Variants in CRYBG3 observed in about 807,000 individuals in gnomAD.
The protein encoded by CRYBG3 is crystallin beta-gamma domain containing 3, also known as very large A-kinase anchor protein.
CRYBG3 carries 127 observed loss-of-function variants against 244.2 expected under a neutral mutation model. The ratio of observed to expected loss-of-function variants is 0.52; its 90% confidence interval spans 0.45 to 0.60. The LOEUF (loss-of-function observed/expected upper bound fraction) is 0.60. Among genes scored for constraint, CRYBG3 ranks in the 20% least tolerant of loss-of-function variants. The pLI, the probability that CRYBG3 is intolerant of heterozygous loss-of-function variation, is 0.00. For missense variants in CRYBG3, 3,325 were observed against 3,442.5 expected, an observed-to-expected ratio of 0.97 and a Z score of 0.85; for synonymous variants, 1,132 against 1,195.8, an observed-to-expected ratio of 0.95 and a Z score of 1.10.
intron 7 of CRYBG3, among the ~76,000 whole-genome samples, chr3:97,884,354 G>T (rs182459287): frequency 4.1e-4 from 62 of 151,790 alleles, no homozygotes; most frequent in Non-Finnish European, 7.8e-4. Flanking sequence ...TGTATTTAAG[G>T]TTTTTTTTAA....
At position 97,872,901 on chromosome 3, in the gene CRYBG3, G is replaced by C. The variant is rs913307301; in HGVS notation, c.1707G>C (p.Lys569Asn). The C allele has an allele frequency of 2.0e-6, 3 of 1,530,212 alleles. No individual in the cohort carries two copies. Among genetic ancestry groups the C allele is most frequent in the South Asian group, 1.2e-5 (1 of 82,360 alleles). The allele number at this position is 1,530,212 out of a possible 1,614,324, so 94.8% of individuals were successfully genotyped here. A position where few individuals can be genotyped will look rare whatever the true frequency, so the allele number is the denominator to read the frequency against. ...AATACTTTGAAACCAAAGCCAAAAA[G>C]CTTGATTTTAGGTCACATGATAAAA... is the stretch of plus-strand genomic sequence containing the variant. ...TDQYFETKAK[K>N]LDFRSHDKIP... Residue 569 changes from lysine to asparagine, a missense_variant, in exon 4 of 22, where the codon AAG (lysine) becomes AAC (asparagine). Physicochemically the swap from Lys to Asn is moderately conservative, Grantham distance 94. Coordinates refer to ENST00000389622, the MANE Select transcript of CRYBG3 (RefSeq NM_153605.4).
chr3:97,870,010 C>T (rs2039282586), intron 3 of CRYBG3, among the ~76,000 whole-genome samples: 1 of 152,022 alleles, frequency 6.6e-6, no homozygotes, highest in African/African-American at 2.4e-5. Flanking sequence ...TATTGGAATA[C>T]TGATAACTGA....
intron 15 of CRYBG3, 40 bp from the exon 16 acceptor site, chr3:97,912,127 A>G (rs760648828): frequency 2.7e-6 from 3 of 1,114,182 alleles, no homozygotes; most frequent in Non-Finnish European, 2.6e-6. Context: ...ATCTAAGACC[A>G]TTTTTTTTCT....
At chr3:97,893,553 C>T (rs1313416411) in intron 11 of CRYBG3, among the ~76,000 whole-genome samples, 1 of 152,214 alleles carries the variant, frequency 6.6e-6, no homozygotes, top group Non-Finnish European at 1.5e-5. Context: ...GGGCAGAAGC[C>T]CCCCAAATCT....
chr3:97,877,854 C>G lies in CRYBG3; in HGVS notation c.6660C>G (p.Leu2220=), dbSNP rs754798718. Residue 2220 remains leucine, a synonymous_variant, in exon 4 of 22, where the codon CTC becomes CTG. Coordinates refer to ENST00000389622, the MANE Select transcript of CRYBG3 (RefSeq NM_153605.4). ...VGLWPEKTSF[L]QKSDLTSKLH... ...TGTGGCCAGAAAAGACCTCGTTTCT[C>G]CAGAAATCTGACCTTACTTCTAAAC... is the stretch of plus-strand genomic sequence containing the variant. The G allele has an allele frequency of 1.9e-6, 3 of 1,613,958 alleles. No homozygotes were observed. The highest frequency in any genetic ancestry group is 2.5e-6 in the Non-Finnish European group (3 of 1,180,002).
chr3:97,878,239 T>C (rs919331094), intron 4 of CRYBG3, among the ~76,000 whole-genome samples: 4 of 152,034 alleles, frequency 2.6e-5, no homozygotes, highest in African/African-American at 9.7e-5. Context: ...TGAAACCTTG[T>C]CTCTACTAAA....
chr3:97,933,091 C>T, intron 17 of CRYBG3: 1 of 452,654 alleles, frequency 2.2e-6, no homozygotes, highest in South Asian at 1.6e-5. Context: ...AGTCTCTTAA[C>T]ATGGTGTCTT....
chr3:97,879,896 TA>T, intron 5 of CRYBG3, 88 bp from the exon 6 acceptor site: 1 of 928,760 alleles, frequency 1.1e-6, no homozygotes, highest in East Asian at 2.6e-5. Context: ...TTAGGATATT[TA>T]TTTCTATGTT....
intron 2 of CRYBG3, among the ~76,000 whole-genome samples, chr3:97,856,204 A>G (rs1037620437): frequency 1.3e-5 from 2 of 152,142 alleles, no homozygotes; most frequent in Non-Finnish European, 2.9e-5. Flanking sequence ...TTGCTTTTGA[A>G]AGAAGAGAAA....
intron 19 of CRYBG3, among the ~76,000 whole-genome samples, chr3:97,939,624 T>C (rs1346170192): frequency 6.6e-6 from 1 of 152,032 alleles, no homozygotes; most frequent in African/African-American, 2.4e-5. Flanking sequence ...CCTAAAGTAA[T>C]TGGAACTCTG....
chr3:97,861,279 T>G (rs985829251), intron 2 of CRYBG3, among the ~76,000 whole-genome samples: 1 of 152,164 alleles, frequency 6.6e-6, no homozygotes, highest in Non-Finnish European at 1.5e-5. Context: ...AGCTCAAATG[T>G]TATCTTCTAT....
intron 10 of CRYBG3, among the ~76,000 whole-genome samples, chr3:97,889,828 G>A (rs1412662795): frequency 6.6e-6 from 1 of 152,092 alleles, no homozygotes; most frequent in African/African-American, 2.4e-5. Context: ...GTAAGTATGA[G>A]TATCCAAAGG....
At chr3:97,924,519 G>A (rs919519269) in intron 17 of CRYBG3, 13 of 378,294 alleles carry the variant, frequency 3.4e-5, no homozygotes, top group Admixed American at 1.4e-4. Flanking sequence ...CAAGTCAGAA[G>A]TCTGAAATTG....
chr3:97,822,234 G>GC lies in CRYBG3; in HGVS notation c.33dup (p.Trp12LeufsTer41). On this transcript the variant is annotated frameshift_variant, in exon 1 of 22. Transcript: ENST00000389622. LOFTEE classifies it high-confidence loss of function. ...GTCCAGCGGCCGCAGAAGGGGCAGC[G>GC]CCCCCTGGCACAGCTTCTCCCGGTT... The GC allele has an allele frequency of 6.5e-7, 1 of 1,527,856 alleles. No individual in the cohort carries two copies. Among genetic ancestry groups the GC allele is most frequent in the Non-Finnish European group, 8.7e-7 (1 of 1,143,408 alleles). The allele number at this position is 1,527,856 out of a possible 1,614,324, so 94.6% of individuals were successfully genotyped here. A position where few individuals can be genotyped will look rare whatever the true frequency, so the allele number is the denominator to read the frequency against.
chr3:97,861,319 G>A (rs780299523), intron 2 of CRYBG3, among the ~76,000 whole-genome samples: 4 of 152,028 alleles, frequency 2.6e-5, no homozygotes, highest in South Asian at 2.1e-4. Flanking sequence ...ATCCCCACTC[G>A]TTAATTATGT....
Position 97,926,241 on chromosome 3 carries a change from C to T in CRYBG3, c.8242-7453C>T, listed in dbSNP as rs572363321. On this transcript the variant is annotated intron_variant, in intron 17 of 21. Coordinates refer to ENST00000389622, the MANE Select transcript of CRYBG3 (RefSeq NM_153605.4). ...CCACCACAATCAAGTAGGCTTTATTCCTGGGATGTAAAGTTGGTTCAATAT... is the reference window on the plus strand; with the variant it reads ...CCACCACAATCAAGTAGGCTTTATTTCTGGGATGTAAAGTTGGTTCAATAT... Among the ~76,000 whole-genome samples, 347 of 152,132 alleles carry T rather than the reference C, an allele frequency of 2.3e-3. 1 individual carries two copies. The highest frequency in any genetic ancestry group is 7.1e-3 in the South Asian group (34 of 4,822).
chr3:97,879,629 AC>A, intron 4 of CRYBG3, 74 bp from the exon 5 acceptor site: 1 of 1,021,688 alleles, frequency 9.8e-7, no homozygotes, highest in Non-Finnish European at 1.5e-6. Flanking sequence ...TGGATACAAG[AC>A]TGCTAAGAAA....
At chr3:97,898,076 C>T (rs1392503392) in intron 12 of CRYBG3, among the ~76,000 whole-genome samples, 7 of 151,594 alleles carry the variant, frequency 4.6e-5, no homozygotes, top group East Asian at 1.9e-4. Context: ...AAAAATTAGC[C>T]GGGCATGGTG....
In CRYBG3 at chr3:97,944,896, C is replaced by T. The variant is rs958831623; in HGVS notation, c.*1582C>T. 4.6e-6 allele frequency: 1 copy of T among 215,206 alleles called. No individual in the cohort carries two copies. The highest frequency in any genetic ancestry group is 9.1e-6 in the Non-Finnish European group (1 of 110,076). 13.3% of individuals were successfully genotyped at this position (215,206 alleles called of 1,614,324 possible). A position where few individuals can be genotyped will look rare whatever the true frequency, so the allele number is the denominator to read the frequency against. On this transcript the variant is annotated 3_prime_UTR_variant, in exon 22 of 22. Transcript: ENST00000389622. ...AGAACAAAGCCAGGTTAATGACATT[C>T]AATTCTAAATGATACATTGGAATTG...
Sources: allele counts gnomAD v4.1 joint callset (sites outside exome capture counted in the v4.1 genomes callset), GRCh38; gene constraint gnomAD v4.1.1; transcripts MANE v1.5; gene names NCBI Gene and HGNC (gene_info 2026-07-23, HGNC 2026-07-21).